TPX2: variants seen among roughly 807,000 people sequenced by gnomAD.
The protein encoded by TPX2 is TPX2 microtubule nucleation factor.
In TPX2, 21 loss-of-function variants were observed where a neutral mutation model predicts 93.6. That is an observed-to-expected ratio of 0.22 (90% CI 0.16 to 0.32). TPX2 has a LOEUF of 0.32. Among genes scored for constraint, TPX2 ranks in the 10% least tolerant of loss-of-function variants. TPX2 has a pLI of 1.00. For synonymous variants in TPX2, 281 were observed against 298.3 expected, an observed-to-expected ratio of 0.94 and a Z score of 0.60; for missense variants, 776 against 871.1, an observed-to-expected ratio of 0.89 and a Z score of 1.37.
chr20:31,772,777 G>C (rs1217580916), intron 7 of TPX2, among the ~76,000 whole-genome samples: 4 of 151,920 alleles, frequency 2.6e-5, no homozygotes, highest in African/African-American at 9.7e-5. Flanking sequence ...ATTTTCTGTT[G>C]AAAATGTAGT....
intron 2 of TPX2, among the ~76,000 whole-genome samples, chr20:31,754,420 C>A (rs767259625): frequency 1.3e-5 from 2 of 152,158 alleles, no homozygotes; most frequent in Admixed American, 1.3e-4. Flanking sequence ...CTGAGAGAAG[C>A]TGTGAAATGC....
chr20:31,765,190 G>T (rs2061916788), intron 4 of TPX2, among the ~76,000 whole-genome samples: 2 of 151,268 alleles, frequency 1.3e-5, no homozygotes. Context: ...TGGGCTTGTA[G>T]TTCATGCCTG....
intron 2 of TPX2, among the ~76,000 whole-genome samples, chr20:31,745,298 T>C (rs527562037): frequency 2.0e-4 from 30 of 151,812 alleles, no homozygotes; most frequent in African/African-American, 5.6e-4. Context: ...GCCTTGTTAC[T>C]TCTTCACTCT....
intron 12 of TPX2, among the ~76,000 whole-genome samples, chr20:31,790,361 T>A (rs554819573): frequency 1.0e-3 from 156 of 152,360 alleles, no homozygotes; most frequent in Non-Finnish European, 1.9e-3. Flanking sequence ...GGAAAAGCCA[T>A]GCATCTTGAA....
At chr20:31,798,579 A>G (rs763083129) in intron 17 of TPX2, 27 bp downstream of exon 17, 1 of 1,571,324 alleles carries the variant, frequency 6.4e-7, no homozygotes, top group Non-Finnish European at 8.6e-7. Flanking sequence ...GCACTGACGA[A>G]CACAAACATG....
At chr20:31,775,081 T>C (rs2061987561) in intron 7 of TPX2, among the ~76,000 whole-genome samples, 1 of 152,004 alleles carries the variant, frequency 6.6e-6, no homozygotes, top group African/African-American at 2.4e-5. Flanking sequence ...TGCCTCAGCC[T>C]CCCGAGTAGC....
At chr20:31,779,891 T>C (rs2062022712) in intron 10 of TPX2, among the ~76,000 whole-genome samples, 1 of 152,208 alleles carries the variant, frequency 6.6e-6, no homozygotes, top group African/African-American at 2.4e-5. Context: ...TGTAATAGTT[T>C]CTATCTTTAT....
intron 3 of TPX2, among the ~76,000 whole-genome samples, chr20:31,758,612 T>C (rs2061866800): frequency 6.6e-6 from 1 of 152,234 alleles, no homozygotes; most frequent in African/African-American, 2.4e-5. Context: ...GAAATCACTA[T>C]GAATATGTGG....
intron 4 of TPX2, among the ~76,000 whole-genome samples, chr20:31,764,232 C>T (rs1386458011): frequency 6.6e-6 from 1 of 151,974 alleles, no homozygotes; most frequent in Non-Finnish European, 1.5e-5. Flanking sequence ...TGCAGTGGAG[C>T]AATCACGCCT....
intron 2 of TPX2, among the ~76,000 whole-genome samples, chr20:31,747,436 CTCTG>C (rs368418576): frequency 0.054 from 8,198 of 151,826 alleles, 270 homozygotes; most frequent in Middle Eastern, 0.11. Context: ...ATATCTCTAT[CTCTG>C]TCTGTCTGTC....
rs2062170317 is a variant in TPX2, at chr20:31,801,250, G to C, written c.*170G>C. ...CAACTGTGGACTCCAGTTTTGTTGA[G>C]AATTGTTTTCTTACATTACTAAGGC... On this transcript the variant is annotated 3_prime_UTR_variant, in exon 18 of 18. Transcript: ENST00000300403. The C allele has an allele frequency of 1.7e-6, 1 of 580,238 alleles. No individual in the cohort carries two copies. The highest frequency in any genetic ancestry group is 3.1e-6 in the Non-Finnish European group (1 of 325,354). 35.9% of individuals were successfully genotyped at this position (580,238 alleles called of 1,614,324 possible). A position where few individuals can be genotyped will look rare whatever the true frequency, so the allele number is the denominator to read the frequency against.
In TPX2 at chr20:31,794,557, T is replaced by C. The variant is rs756153162; in HGVS notation, c.1833+9T>C. On this transcript the variant is annotated intron_variant, in intron 15 of 17. Coordinates refer to ENST00000300403, the MANE Select transcript of TPX2 (RefSeq NM_012112.5). Reference sequence around the variant, plus strand: ...AGACTTGGAAGCACCAGGTAGGGGATGGGGAGAGCAGCCAAAATGTTAATT... The same window carrying C: ...AGACTTGGAAGCACCAGGTAGGGGACGGGGAGAGCAGCCAAAATGTTAATT... 1.9e-6 allele frequency: 3 copies of C among 1,612,430 alleles called. No homozygotes were observed. The highest frequency in any genetic ancestry group is 2.5e-6 in the Non-Finnish European group (3 of 1,179,512).
At chr20:31,778,091 T>C (rs1393382333) in intron 9 of TPX2, among the ~76,000 whole-genome samples, 1 of 152,122 alleles carries the variant, frequency 6.6e-6, no homozygotes, top group Non-Finnish European at 1.5e-5. Context: ...ACAGATCTTA[T>C]AGGAAAAATA....
intron 13 of TPX2, 42 bp from the exon 14 acceptor site, chr20:31,793,806 A>T (rs2062117718): frequency 6.7e-7 from 1 of 1,496,218 alleles, no homozygotes; most frequent in Middle Eastern, 1.8e-4. Context: ...GAAGTTGGAG[A>T]GAGTGAGGAG....
chr20:31,784,209 G>A (rs970583072), intron 12 of TPX2, among the ~76,000 whole-genome samples: 2 of 152,286 alleles, frequency 1.3e-5, no homozygotes, highest in Non-Finnish European at 2.9e-5. Context: ...GAAAGTTCAG[G>A]GTGTGCTTTG....
In TPX2 at chr20:31,742,353, T is replaced by A. The variant is rs189316535; in HGVS notation, c.-177-188T>A. Among the ~76,000 whole-genome samples, 112 of 152,114 alleles carry A rather than the reference T, an allele frequency of 7.4e-4. 3 individuals are homozygous for A. The East Asian group carries it at 0.015, about 20-fold the overall frequency. Reference sequence around the variant, plus strand: ...CCACCATGCCTGGCTAATTTTTGTATTTTTAGTAGAGATGGGGTTTCACCA... The same window carrying A: ...CCACCATGCCTGGCTAATTTTTGTAATTTTAGTAGAGATGGGGTTTCACCA... On this transcript the variant is annotated intron_variant, in intron 1 of 17. Transcript: ENST00000300403.
intron 2 of TPX2, among the ~76,000 whole-genome samples, chr20:31,753,535 C>T (rs1005896859): frequency 3.3e-5 from 5 of 152,092 alleles, no homozygotes; most frequent in Non-Finnish European, 5.9e-5. Context: ...ATCTTATAGA[C>T]TGCAAAGGTT....
chr20:31,797,489 C>G lies in TPX2; in HGVS notation c.1919C>G (p.Pro640Arg). Residue 640 changes from proline to arginine, a missense_variant, in exon 16 of 18, where the codon CCC becomes CGC. By Grantham distance (103) the Pro-to-Arg change is moderately radical. This residue lies in a region of TPX2 where 461 missense variants were observed against 551.2 expected (regional missense o/e 0.84). Coordinates refer to ENST00000300403, the MANE Select transcript of TPX2 (RefSeq NM_012112.5). ...NTVISQEPFVPKKEKKSVAEG... is the reference protein window; with the variant it reads ...NTVISQEPFVRKKEKKSVAEG... ...GTCATCTCTCAGGAGCCCTTTGTTC[C>G]CAAGAAAGAGAAGAAATCAGTTGCT... 6 of 1,613,890 alleles carry G rather than the reference C, an allele frequency of 3.7e-6. No individual in the cohort carries two copies. The highest frequency in any genetic ancestry group is 5.1e-6 in the Non-Finnish European group (6 of 1,179,892).
At chr20:31,773,117 T>TA (rs1409404592) in intron 7 of TPX2, among the ~76,000 whole-genome samples, 5 of 150,126 alleles carry the variant, frequency 3.3e-5, no homozygotes, top group Admixed American at 3.3e-4. Flanking sequence ...GCTGGGATTA[T>TA]AGGCATGCAT....
Sources: gnomAD v4.1 joint callset for allele counts (sites outside exome capture counted in the v4.1 genomes callset) on GRCh38, gnomAD v4.1.1 for gene constraint, gnomAD v4.1.1 regional missense constraint, MANE v1.5 for transcripts, NCBI Gene and HGNC (gene_info 2026-07-23, HGNC 2026-07-21) for gene names.